The following SCHIP1 variants were observed in gnomAD, a reference collection of about 807,000 sequenced individuals.
The protein encoded by SCHIP1 is schwannomin-interacting protein 1.
A neutral mutation model predicts 29.7 loss-of-function variants in SCHIP1; 8 were observed. The observed-to-expected ratio is 0.27, with a 90% confidence interval of 0.16 to 0.49. SCHIP1 has a LOEUF of 0.49. SCHIP1 is among the 20% of genes least tolerant of loss of function. The pLI is 0.99. For missense variants in SCHIP1, 193 were observed against 294.6 expected, an observed-to-expected ratio of 0.66 and a Z score of 2.52; for synonymous variants, 76 against 94.9, an observed-to-expected ratio of 0.80 and a Z score of 1.16.
At chr3:159,873,903 C>T (rs76200519) in intron 2 of SCHIP1, among the ~76,000 whole-genome samples, 8,247 of 152,098 alleles carry the variant, frequency 0.054, 689 homozygotes, top group African/African-American at 0.18. Flanking sequence ...TGATACTTTC[C>T]TATAAAATAT....
the SCHIP1 span, among the ~76,000 whole-genome samples, chr3:159,525,637 TGAG>T: frequency 6.6e-6 from 1 of 152,240 alleles, no homozygotes; most frequent in Non-Finnish European, 1.5e-5. Flanking sequence ...CACAGCGTGA[TGAG>T]GAGAAGATGC....
At chr3:159,467,259 A>G in the SCHIP1 span, among the ~76,000 whole-genome samples, 1 of 152,138 alleles carries the variant, frequency 6.6e-6, no homozygotes, top group Non-Finnish European at 1.5e-5. Context: ...ATAACAATTT[A>G]ATAAACTCTT....
chr3:159,780,228 G>A, the SCHIP1 span, among the ~76,000 whole-genome samples: 1 of 152,144 alleles, frequency 6.6e-6, no homozygotes, highest in Non-Finnish European at 1.5e-5. Flanking sequence ...GGAGGCCCTC[G>A]CAGTGTTGAC....
chr3:159,311,976 G>A, the SCHIP1 span, among the ~76,000 whole-genome samples: 1 of 152,120 alleles, frequency 6.6e-6, no homozygotes, highest in Non-Finnish European at 1.5e-5. Context: ...GGAAGATATA[G>A]TCATACCAAA....
At chr3:159,274,314 T>A in the SCHIP1 span, 5 of 982,832 alleles carry the variant, frequency 5.1e-6, no homozygotes, top group African/African-American at 8.7e-5. Context: ...TCAATTTAGA[T>A]TATACTTTCA....
At chr3:159,283,539 C>T in the SCHIP1 span, among the ~76,000 whole-genome samples, 1,150 of 149,720 alleles carry the variant, frequency 7.7e-3, 13 homozygotes, top group African/African-American at 0.027. Flanking sequence ...GACGGAGTTT[C>T]GCTCTTGTTG....
chr3:159,762,513 T>C, the SCHIP1 span, among the ~76,000 whole-genome samples: 4 of 152,374 alleles, frequency 2.6e-5, no homozygotes, highest in African/African-American at 9.6e-5. Context: ...GGAATTCATT[T>C]GGTCCAGGCT....
the SCHIP1 span, among the ~76,000 whole-genome samples, chr3:159,454,615 T>C: frequency 6.6e-6 from 1 of 152,320 alleles, no homozygotes; most frequent in South Asian, 2.1e-4. Flanking sequence ...ATTTTCCCTA[T>C]AGCAAACAAT....
the SCHIP1 span, among the ~76,000 whole-genome samples, chr3:159,751,358 G>A: frequency 6.6e-6 from 1 of 152,142 alleles, no homozygotes; most frequent in Non-Finnish European, 1.5e-5. Flanking sequence ...TACAGAAAAA[G>A]TTTGCCAACC....
chr3:159,673,035 C>T, the SCHIP1 span, among the ~76,000 whole-genome samples: 5 of 152,038 alleles, frequency 3.3e-5, no homozygotes, highest in African/African-American at 4.8e-5. Flanking sequence ...AAAAAGTAAC[C>T]GAAACCTGTT....
At chr3:159,273,696 T>A in the SCHIP1 span, 4 of 1,493,204 alleles carry the variant, frequency 2.7e-6, no homozygotes, top group Non-Finnish European at 3.6e-6. Context: ...ATTTAGTGTG[T>A]GTTATAGAAA....
At chr3:159,722,028 T>C in the SCHIP1 span, 3 of 367,818 alleles carry the variant, frequency 8.2e-6, no homozygotes, top group Non-Finnish European at 1.6e-5. Context: ...TGTCTCAACG[T>C]ACTTTATTAT....
chr3:159,822,711 C>A, the SCHIP1 span, among the ~76,000 whole-genome samples: 1 of 149,934 alleles, frequency 6.7e-6, no homozygotes, highest in Non-Finnish European at 1.5e-5. Context: ...AGAACTAACA[C>A]TGGAAAATGA....
the SCHIP1 span, among the ~76,000 whole-genome samples, chr3:159,310,610 GGGGTTTTTATGGACAGAC>G: frequency 3.9e-5 from 6 of 152,086 alleles, no homozygotes; most frequent in East Asian, 9.6e-4. Flanking sequence ...TTCTTCTCTT[GGGGTTTTTATGGACAGAC>G]TGTATAAAAT....
the SCHIP1 span, among the ~76,000 whole-genome samples, chr3:159,559,396 C>T: frequency 6.6e-6 from 1 of 152,312 alleles, no homozygotes; most frequent in Non-Finnish European, 1.5e-5. Context: ...TATCCACCAT[C>T]TGAATTATAT....
chr3:159,333,163 A>G, the SCHIP1 span, among the ~76,000 whole-genome samples: 1 of 152,256 alleles, frequency 6.6e-6, no homozygotes, highest in Non-Finnish European at 1.5e-5. Flanking sequence ...TGCATAACAT[A>G]AAAGAAAATG....
the SCHIP1 span, among the ~76,000 whole-genome samples, chr3:159,777,417 C>A: frequency 6.6e-6 from 1 of 150,460 alleles, no homozygotes; most frequent in Non-Finnish European, 1.5e-5. Context: ...TTTCTCCTTT[C>A]AATGCTTAAA....
chr3:159,604,703 T>C, the SCHIP1 span, among the ~76,000 whole-genome samples: 1 of 152,208 alleles, frequency 6.6e-6, no homozygotes. Flanking sequence ...TAAACACAAT[T>C]TAAAGGTAAA....
the SCHIP1 span, among the ~76,000 whole-genome samples, chr3:159,659,787 T>C: frequency 2.0e-5 from 3 of 152,294 alleles, no homozygotes; most frequent in South Asian, 4.1e-4. Flanking sequence ...TGATTTCAAA[T>C]GTGTCCTGGA....
Sources: gnomAD v4.1 joint callset for allele counts (sites outside exome capture counted in the v4.1 genomes callset) on GRCh38, gnomAD v4.1.1 for gene constraint, MANE v1.5 for transcripts, NCBI Gene and HGNC (gene_info 2026-07-23, HGNC 2026-07-21) for gene names.